CDON: variants seen among roughly 807,000 people sequenced by gnomAD.
CDON encodes the protein cell adhesion associated, oncogene regulated.
Under a neutral mutation model 120.9 loss-of-function variants are expected in CDON, and 73 were observed. That is an observed-to-expected ratio of 0.60 (90% CI 0.50 to 0.73). The LOEUF is 0.73. Ranked by LOEUF, CDON falls within the 30% of genes least tolerant of loss-of-function variation. The probability of loss-of-function intolerance (pLI) is 0.00; values close to 1 mark genes in which losing one functional copy is unlikely to be tolerated. For synonymous variants in CDON, 566 were observed against 573.5 expected (o/e 0.99, Z 0.19); for missense variants, 1,470 against 1,587.3 (o/e 0.93, Z 1.26).
At chr11:126,009,806 C>T (rs965630923) in intron 8 of CDON, among the ~76,000 whole-genome samples, 1 of 152,058 alleles carries the variant, frequency 6.6e-6, no homozygotes, top group African/African-American at 2.4e-5. Flanking sequence ...AGTCTATATA[C>T]CAGTACATCA....
intron 18 of CDON, 113 bp from the exon 19 acceptor site, chr11:125,962,111 A>T: frequency 3.6e-6 from 3 of 831,328 alleles, no homozygotes; most frequent in Non-Finnish European, 6.0e-6. Context: ...CTTAAGAAAG[A>T]GTGATGCTTA....
chr11:126,018,956 G>GA (rs1009003828), intron 4 of CDON, among the ~76,000 whole-genome samples: 2 of 151,852 alleles, frequency 1.3e-5, no homozygotes, highest in African/African-American at 2.4e-5. Context: ...AGGCAGAATA[G>GA]AAAAAAAAGT....
intron 8 of CDON, among the ~76,000 whole-genome samples, chr11:126,006,422 C>A (rs1947132464): frequency 6.6e-6 from 1 of 152,146 alleles, no homozygotes; most frequent in South Asian, 2.1e-4. Context: ...AATCCCAGAA[C>A]TTTGGGAGGC....
chr11:126,024,890 A>G (rs772596048), intron 1 of CDON, among the ~76,000 whole-genome samples: 1 of 152,284 alleles, frequency 6.6e-6, no homozygotes, highest in Non-Finnish European at 1.5e-5. Context: ...AAAGAAATCT[A>G]TTTGTTCAGG....
chr11:125,989,867 C>T (rs1946581396), intron 14 of CDON, 108 bp from the exon 15 acceptor site: 1 of 978,440 alleles, frequency 1.0e-6, no homozygotes, highest in African/African-American at 1.6e-5. Context: ...CACTACCATC[C>T]AGTAGTTTGT....
Position 125,959,221 on chromosome 11 carries a change from T to C in CDON, c.*1721A>G, listed in dbSNP as rs1945572473. 1 of 152,250 alleles carries C rather than the reference T, an allele frequency of 6.6e-6. No homozygotes were observed. The highest frequency in any genetic ancestry group is 2.4e-5 in the African/African-American group (1 of 41,472). The allele number at this position is 152,250 out of a possible 1,614,324, so 9.4% of individuals were successfully genotyped here. On this transcript the variant is annotated 3_prime_UTR_variant, in exon 20 of 20. Coordinates refer to ENST00000531738, the MANE Select transcript of CDON (RefSeq NM_001378964.1). ...ATAGACATATGTAAGGGAATACTGA[T>C]GCATTTATACAGAAAGTTGGTTAAC...
chr11:125,974,725 A>T (rs1946105986), intron 18 of CDON, among the ~76,000 whole-genome samples: 1 of 152,108 alleles, frequency 6.6e-6, no homozygotes, highest in Non-Finnish European at 1.5e-5. Context: ...TCACAGTTCC[A>T]TTCTACCCCC....
intron 17 of CDON, 68 bp downstream of exon 17, chr11:125,980,981 C>T: frequency 1.3e-6 from 2 of 1,497,546 alleles, no homozygotes; most frequent in Non-Finnish European, 1.9e-6. Flanking sequence ...GCCAAGCATG[C>T]TGTCCCTGTT....
intron 8 of CDON, among the ~76,000 whole-genome samples, chr11:126,006,796 GA>G (rs5795471): frequency 2.5e-4 from 37 of 149,362 alleles, no homozygotes; most frequent in African/African-American, 4.2e-4. Flanking sequence ...TCTTTGCACT[GA>G]AAAAAAAAAT....
intron 4 of CDON, 44 bp from the exon 5 acceptor site, chr11:126,018,517 G>A (rs1393550320): frequency 6.5e-7 from 1 of 1,533,848 alleles, no homozygotes; most frequent in Non-Finnish European, 9.0e-7. Context: ...CCTTTATGAA[G>A]GACACCACAG....
At position 126,017,110 on chromosome 11, in the gene CDON, C is replaced by A; in HGVS notation, c.906G>T (p.Val302=). ...TACCAAGTACATTAACCATGTAAGT[C>A]ACATATTTTACATCTCCAGACTTGT... The part of the protein sequence containing the change: ...AGNKSGDVKY[V]TYMVNVLEHA... The change falls in exon 6 of 20, where the codon GTG becomes GTT. Residue 302 remains valine (V), a synonymous_variant. Coordinates refer to ENST00000531738, the MANE Select transcript of CDON (RefSeq NM_001378964.1). 1 of 1,614,102 alleles carries A rather than the reference C, an allele frequency of 6.2e-7. No individual in the cohort carries two copies. Among genetic ancestry groups the A allele is most frequent in the South Asian group, 1.1e-5 (1 of 91,066 alleles).
chr11:126,046,146 T>C (rs1948402081), intron 1 of CDON, among the ~76,000 whole-genome samples: 1 of 152,308 alleles, frequency 6.6e-6, no homozygotes, highest in East Asian at 1.9e-4. Context: ...GGACTAAGAA[T>C]GGTATTGGGA....
intron 12 of CDON, among the ~76,000 whole-genome samples, chr11:125,995,756 T>C (rs983156174): frequency 1.3e-5 from 2 of 152,344 alleles, no homozygotes; most frequent in African/African-American, 2.4e-5. Flanking sequence ...CTATGGAATG[T>C]TTCTTAGCTT....
At chr11:125,997,175 G>A (rs764121217) in intron 12 of CDON, 32 bp downstream of exon 12, 10 of 1,466,866 alleles carry the variant, frequency 6.8e-6, no homozygotes, top group South Asian at 2.3e-5. Flanking sequence ...AGTTCACATC[G>A]ATGGTAAAAG....
intron 1 of CDON, 136 bp from the exon 2 acceptor site, chr11:126,023,673 C>A: frequency 1.6e-6 from 1 of 629,992 alleles, no homozygotes; most frequent in Non-Finnish European, 2.8e-6. Flanking sequence ...CTTAATTATC[C>A]AGATCTTCCC....
At chr11:126,011,297 G>A (rs1391909282) in intron 7 of CDON, among the ~76,000 whole-genome samples, 1 of 152,172 alleles carries the variant, frequency 6.6e-6, no homozygotes, top group African/African-American at 2.4e-5. Flanking sequence ...TTTGAAGAGA[G>A]CTTACAATGG....
intron 6 of CDON, among the ~76,000 whole-genome samples, chr11:126,016,631 C>T (rs1302502084): frequency 6.6e-6 from 1 of 152,048 alleles, no homozygotes; most frequent in African/African-American, 2.4e-5. Flanking sequence ...TGGGGTTTCG[C>T]CATATTGCCC....
intron 15 of CDON, among the ~76,000 whole-genome samples, chr11:125,988,402 G>T (rs614840): frequency 6.6e-6 from 1 of 151,882 alleles, no homozygotes. Context: ...TTGAGACAAG[G>T]TCTCACTCTC....
chr11:126,055,523 T>C (rs776103699), intron 1 of CDON, among the ~76,000 whole-genome samples: 3 of 152,186 alleles, frequency 2.0e-5, no homozygotes, highest in Admixed American at 6.5e-5. Context: ...TGGTTAAATA[T>C]CTATGGATCC....
Sources: gnomAD v4.1 joint callset for allele counts (sites outside exome capture counted in the v4.1 genomes callset) on GRCh38, gnomAD v4.1.1 for gene constraint, MANE v1.5 for transcripts, NCBI Gene and HGNC (gene_info 2026-07-23, HGNC 2026-07-21) for gene names.